COL4A1: variants seen among roughly 807,000 people sequenced by gnomAD.
COL4A1 encodes the protein collagen type IV alpha 1 chain, also known as collagen alpha-1(IV) chain.
In COL4A1, 40 loss-of-function variants were observed where a neutral mutation model predicts 216.6. The ratio of observed to expected loss-of-function variants is 0.18; its 90% CI spans 0.14 to 0.24. The LOEUF is 0.24. Ranked by LOEUF, COL4A1 falls within the 10% of genes least tolerant of loss-of-function variation. The pLI is 1.00. For missense variants in COL4A1, 1,628 were observed against 2,196.8 expected (o/e 0.74, Z 5.18); for synonymous variants, 839 against 810.7 (o/e 1.03, Z -0.59).
At chr13:110,191,886 A>AAG (rs1222225302) in intron 24 of COL4A1, among the ~76,000 whole-genome samples, 17 of 152,178 alleles carry the variant, frequency 1.1e-4, no homozygotes, top group Admixed American at 1.1e-3. Context: ...GGCTCCTGTG[A>AAG]CACCATTTGT....
chr13:110,302,644 C>A (rs1884541021), intron 1 of COL4A1, among the ~76,000 whole-genome samples: 1 of 152,184 alleles, frequency 6.6e-6, no homozygotes, highest in African/African-American at 2.4e-5. Context: ...GTGTACCAGA[C>A]TATCAAAGTC....
At chr13:110,285,307 C>T (rs61964262) in intron 1 of COL4A1, among the ~76,000 whole-genome samples, 25,300 of 152,194 alleles carry the variant, frequency 0.17, 2,242 homozygotes, top group African/African-American at 0.18. Context: ...CGGAATCCCA[C>T]GCATATTTCC....
chr13:110,259,495 A>G (rs376385651), intron 1 of COL4A1, among the ~76,000 whole-genome samples: 175 of 152,350 alleles, frequency 1.1e-3, no homozygotes, highest in African/African-American at 4.0e-3. Context: ...GAAGGAATCA[A>G]CATTGTCCAT....
At chr13:110,181,529 G>A in intron 28 of COL4A1, 140 bp from the exon 29 acceptor site, 1 of 864,018 alleles carries the variant, frequency 1.2e-6, no homozygotes. Context: ...CTTCCGAGGT[G>A]GCTGGAAGAG....
intron 3 of COL4A1, 36 bp from the exon 4 acceptor site, chr13:110,213,862 C>A: frequency 1.2e-6 from 2 of 1,613,828 alleles, no homozygotes; most frequent in South Asian, 1.1e-5. Context: ...TCATTGATCA[C>A]CGCTATCTCA....
chr13:110,221,054 T>C (rs1880455387), intron 2 of COL4A1, among the ~76,000 whole-genome samples: 2 of 152,198 alleles, frequency 1.3e-5, no homozygotes, highest in South Asian at 4.1e-4. Flanking sequence ...CAAGGAGAGA[T>C]TTCTATTGGA....
intron 31 of COL4A1, among the ~76,000 whole-genome samples, 166 bp downstream of exon 31, chr13:110,178,757 T>C (rs1878004391): frequency 6.6e-6 from 1 of 152,242 alleles, no homozygotes; most frequent in Non-Finnish European, 1.5e-5. Flanking sequence ...GGGACTACAT[T>C]TAAGCAAACA....
At chr13:110,220,229 C>T (rs1166213595) in intron 2 of COL4A1, among the ~76,000 whole-genome samples, 1 of 152,078 alleles carries the variant, frequency 6.6e-6, no homozygotes, top group Non-Finnish European at 1.5e-5. Context: ...TGAGCTACTG[C>T]ACCCAGCCCA....
At chr13:110,273,881 C>T (rs944475843) in intron 1 of COL4A1, among the ~76,000 whole-genome samples, 16 of 152,222 alleles carry the variant, frequency 1.1e-4, no homozygotes, top group Non-Finnish European at 1.6e-4. Context: ...CTGAGACACA[C>T]TGAGTGCTTA....
chr13:110,219,892 GTATA>G (rs1288792940), intron 2 of COL4A1, among the ~76,000 whole-genome samples: 3 of 139,692 alleles, frequency 2.1e-5, no homozygotes, highest in African/African-American at 5.4e-5. Context: ...ATATATGTGT[GTATA>G]TATATGTATA....
intron 21 of COL4A1, among the ~76,000 whole-genome samples, chr13:110,195,899 T>G (rs1878865082): frequency 6.6e-6 from 1 of 152,150 alleles, no homozygotes. Context: ...GGTCTTCACC[T>G]AATGACAAAG....
At chr13:110,204,648 AT>A (rs377187830) in intron 17 of COL4A1, among the ~76,000 whole-genome samples, 125 of 142,940 alleles carry the variant, frequency 8.7e-4, no homozygotes, top group Middle Eastern at 3.6e-3. Flanking sequence ...TATTTTTTAG[AT>A]TTTTTTTTTT....
At chr13:110,230,391 G>A (rs931916481) in intron 2 of COL4A1, among the ~76,000 whole-genome samples, 8 of 152,120 alleles carry the variant, frequency 5.3e-5, no homozygotes, top group Non-Finnish European at 8.8e-5. Flanking sequence ...TGGCAGGCGC[G>A]GGTCATCAGG....
chr13:110,239,778 T>C (rs1881476004), intron 2 of COL4A1, among the ~76,000 whole-genome samples: 1 of 152,226 alleles, frequency 6.6e-6, no homozygotes, highest in African/African-American at 2.4e-5. Context: ...TCTCTTGACC[T>C]GCCAGCCTAG....
chr13:110,287,889 C>T (rs549603150), intron 1 of COL4A1, among the ~76,000 whole-genome samples: 1 of 152,268 alleles, frequency 6.6e-6, no homozygotes, highest in Non-Finnish European at 1.5e-5. Context: ...GGCAATGCCA[C>T]CAATAGGGAG....
At chr13:110,242,384 G>C (rs546726924) in intron 2 of COL4A1, among the ~76,000 whole-genome samples, 1 of 152,146 alleles carries the variant, frequency 6.6e-6, no homozygotes, top group Admixed American at 6.5e-5. Context: ...GAAAAAGTAC[G>C]ATAGATTCAA....
intron 44 of COL4A1, among the ~76,000 whole-genome samples, chr13:110,166,957 T>G (rs1877373320): frequency 1.3e-5 from 2 of 152,186 alleles, no homozygotes. Flanking sequence ...AATAAGAAAA[T>G]CAGAATGTCT....
chr13:110,159,517 G>A (rs1044176728), intron 49 of COL4A1, among the ~76,000 whole-genome samples: 7 of 152,326 alleles, frequency 4.6e-5, no homozygotes, highest in African/African-American at 1.7e-4. Flanking sequence ...TGTAAAGGGT[G>A]TGGCCACTGT....
At chr13:110,297,107 G>T (rs550844824) in intron 1 of COL4A1, among the ~76,000 whole-genome samples, 15 of 152,270 alleles carry the variant, frequency 9.9e-5, no homozygotes, top group African/African-American at 3.4e-4. Context: ...TTGGCTATTG[G>T]TAATTAACTC....
Sources: allele counts gnomAD v4.1 joint callset (sites outside exome capture counted in the v4.1 genomes callset), GRCh38; gene constraint gnomAD v4.1.1; transcripts MANE v1.5; gene names NCBI Gene and HGNC (gene_info 2026-07-23, HGNC 2026-07-21).